The following G2E3 variants were observed in gnomAD, a reference collection of about 807,000 sequenced individuals.
G2E3 encodes G2/M-phase specific E3 ubiquitin protein ligase.
A neutral mutation model predicts 92.8 loss-of-function variants in G2E3; 35 were observed. That is an observed-to-expected ratio of 0.38 (90% CI 0.29 to 0.50). The LOEUF is 0.50. Among genes scored for constraint, G2E3 ranks in the 20% least tolerant of loss-of-function variants. G2E3 has a pLI of 0.94. For synonymous variants in G2E3, 242 were observed against 272.4 expected (o/e 0.89, Z 1.10); for missense variants, 554 against 823.8 (o/e 0.67, Z 4.01).
intron 5 of G2E3, 26 bp downstream of exon 5, chr14:30,592,473 A>C (rs1441614709): frequency 1.3e-6 from 2 of 1,520,988 alleles, no homozygotes; most frequent in African/African-American, 1.4e-5. Flanking sequence ...GTTAAATATG[A>C]AAGTTCAGTG....
chr14:30,560,590 T>C (rs1049546878), intron 1 of G2E3: 10 of 551,222 alleles, frequency 1.8e-5, no homozygotes, highest in Non-Finnish European at 3.2e-5. Context: ...TTTCTGCTCA[T>C]TTCATATGTG....
At chr14:30,597,098 T>C (rs377404749) in intron 6 of G2E3, among the ~76,000 whole-genome samples, 1 of 152,218 alleles carries the variant, frequency 6.6e-6, no homozygotes, top group South Asian at 2.1e-4. Context: ...GAGTTTCATT[T>C]TTTTCTCACA....
chr14:30,561,731 G>C (rs1879113206), intron 1 of G2E3, among the ~76,000 whole-genome samples: 1 of 152,110 alleles, frequency 6.6e-6, no homozygotes, highest in Admixed American at 6.5e-5. Context: ...TGTCTGCAGT[G>C]CACAGTGCAG....
At chr14:30,608,555 A>T (rs552928909) in intron 12 of G2E3, among the ~76,000 whole-genome samples, 20 of 152,358 alleles carry the variant, frequency 1.3e-4, no homozygotes, top group African/African-American at 4.8e-4. Context: ...TTCCAAAGGG[A>T]AACAAGTGGT....
At chr14:30,589,307 A>C in intron 3 of G2E3, 76 bp from the exon 4 acceptor site, 1 of 803,722 alleles carries the variant, frequency 1.2e-6, no homozygotes, top group Admixed American at 2.1e-5. Context: ...ATTAGACTGA[A>C]TAGTATGGAT....
intron 13 of G2E3, among the ~76,000 whole-genome samples, chr14:30,614,242 A>G (rs530394504): frequency 2.5e-4 from 38 of 152,212 alleles, no homozygotes; most frequent in African/African-American, 9.2e-4. Flanking sequence ...ACAGATAAAC[A>G]TGTGTGTTCT....
chr14:30,560,054 T>A (rs1254173224), intron 1 of G2E3: 11 of 151,832 alleles, frequency 7.2e-5, no homozygotes, highest in African/African-American at 2.7e-4. Flanking sequence ...GGAGTCTTTT[T>A]GGAAGTAATC....
chr14:30,562,492 G>T (rs943501620), intron 1 of G2E3, among the ~76,000 whole-genome samples: 1 of 152,182 alleles, frequency 6.6e-6, no homozygotes, highest in Non-Finnish European at 1.5e-5. Context: ...TGTTCTAGCG[G>T]TAACACCAGC....
intron 8 of G2E3, among the ~76,000 whole-genome samples, chr14:30,599,558 A>G (rs1175312820): frequency 6.6e-6 from 1 of 152,100 alleles, no homozygotes; most frequent in African/African-American, 2.4e-5. Context: ...TTATCTCCAT[A>G]TATAGTCACC....
chr14:30,563,245 CT>C (rs1431828529), intron 1 of G2E3, among the ~76,000 whole-genome samples: 7 of 151,250 alleles, frequency 4.6e-5, no homozygotes, highest in African/African-American at 1.7e-4. Flanking sequence ...AAAAACAAAA[CT>C]TTTCTTTTTC....
chr14:30,566,029 C>A (rs1272839121), intron 1 of G2E3, among the ~76,000 whole-genome samples: 1 of 152,164 alleles, frequency 6.6e-6, no homozygotes, highest in Non-Finnish European at 1.5e-5. Flanking sequence ...GTTTTCTTCC[C>A]ATTTAATGGT....
chr14:30,571,334 A>G (rs897726642), intron 1 of G2E3, among the ~76,000 whole-genome samples: 9 of 151,702 alleles, frequency 5.9e-5, no homozygotes, highest in African/African-American at 2.2e-4. Flanking sequence ...AGTTGTAAGC[A>G]TTCTTTATGC....
intron 1 of G2E3, among the ~76,000 whole-genome samples, chr14:30,575,652 T>G (rs1005326984): frequency 1.1e-4 from 17 of 152,292 alleles, no homozygotes; most frequent in African/African-American, 3.6e-4. Flanking sequence ...CTCCAGCTGA[T>G]AAACAACTTC....
intron 10 of G2E3, among the ~76,000 whole-genome samples, 181 bp from the exon 11 acceptor site, chr14:30,605,324 A>T (rs1158246656): frequency 1.3e-5 from 2 of 152,170 alleles, no homozygotes; most frequent in Admixed American, 6.5e-5. Context: ...TAAAACTAAG[A>T]TTATCAAATA....
At chr14:30,559,574 C>T (rs1878966139) in intron 1 of G2E3, 2 of 152,098 alleles carry the variant, frequency 1.3e-5, no homozygotes, top group African/African-American at 4.8e-5. Context: ...TTTTTTTAAA[C>T]CCGTAGTTTA....
intron 1 of G2E3, among the ~76,000 whole-genome samples, chr14:30,563,623 G>A (rs974554880): frequency 6.6e-6 from 1 of 152,060 alleles, no homozygotes; most frequent in African/African-American, 2.4e-5. Context: ...TGGGGTAGGG[G>A]AGGATGACAT....
chr14:30,564,854 C>G lies in G2E3; in HGVS notation c.-5+5582C>G, dbSNP rs150767792. 6.6e-5 allele frequency among the ~76,000 whole-genome samples: 10 copies of G among 152,200 alleles called. No individual in the cohort carries two copies. The East Asian group carries it at 1.5e-3, about 24-fold the overall frequency. On this transcript the variant is annotated intron_variant, in intron 1 of 14. Transcript: ENST00000206595. ...ATGGATATACCACATTTTGTATATC[C>G]ATTCATCAATTGATGTATAATTAGG... is the stretch of plus-strand genomic sequence containing the variant.
In G2E3 at chr14:30,583,886, T is replaced by G. The variant is rs536461628; in HGVS notation, c.37+2770T>G. 2.6e-5 allele frequency among the ~76,000 whole-genome samples: 4 copies of G among 152,312 alleles called. No individual in the cohort carries two copies. In the South Asian group the frequency reaches 8.3e-4, roughly 32 times the overall value. ...TAAAATAGGCATAAAATTCATACTT[T>G]AACTATTTTGAGATATACAGTTTGG... is the stretch of plus-strand genomic sequence containing the variant. On this transcript the variant is annotated intron_variant, in intron 2 of 14. Transcript: ENST00000206595.
At chr14:30,605,861 A>G (rs750217036) in intron 11 of G2E3, 49 bp downstream of exon 11, 3 of 964,208 alleles carry the variant, frequency 3.1e-6, no homozygotes, top group Non-Finnish European at 3.1e-6. Flanking sequence ...CATGTATAGA[A>G]AAAGAGATAG....
Sources: gnomAD v4.1 joint callset for allele counts (sites outside exome capture counted in the v4.1 genomes callset) on GRCh38, gnomAD v4.1.1 for gene constraint, MANE v1.5 for transcripts, NCBI Gene and HGNC (gene_info 2026-07-23, HGNC 2026-07-21) for gene names.